JADE1: variants seen among roughly 807,000 people sequenced by gnomAD.
JADE1 encodes jade family PHD finger 1.
A neutral mutation model predicts 81.8 loss-of-function variants in JADE1; 14 were observed. The ratio of observed to expected loss-of-function variants is 0.17; its 90% CI spans 0.11 to 0.27. The LOEUF (loss-of-function observed/expected upper bound fraction) is 0.27, where lower values mean the gene tolerates loss of function less well. JADE1 is among the 10% of genes least tolerant of loss of function. JADE1 has a pLI of 1.00. For missense variants in JADE1, 690 were observed against 1,047.9 expected, an observed-to-expected ratio of 0.66 and a Z score of 4.71; for synonymous variants, 353 against 391.9, an observed-to-expected ratio of 0.90 and a Z score of 1.17.
chr4:128,849,137 G>C lies in JADE1; in HGVS notation c.454G>C (p.Glu152Gln), dbSNP rs1202526377. The change falls in exon 5 of 11, where the codon GAA becomes CAA. Residue 152 changes from glutamate to glutamine, a missense_variant. Transcript: ENST00000226319. Reference protein sequence around the residue: ...DLNDMDAAWLELTNEEFKEMG... With the variant: ...DLNDMDAAWLQLTNEEFKEMG... ...CAATGACATGGATGCTGCATGGCTG[G>C]AACTGACCAATGAAGAATTTAAGGA... is the stretch of plus-strand genomic sequence containing the variant. 1.9e-6 allele frequency: 3 copies of C among 1,612,684 alleles called. No individual in the cohort carries two copies. The highest frequency in any genetic ancestry group is 1.3e-5 in the African/African-American group (1 of 74,894).
At chr4:128,825,994 G>T (rs1728028552) in intron 1 of JADE1, among the ~76,000 whole-genome samples, 1 of 152,212 alleles carries the variant, frequency 6.6e-6, no homozygotes, top group Admixed American at 6.5e-5. Flanking sequence ...CAGGGTCTTT[G>T]GCCAGTGGCC....
chr4:128,859,402 C>T (rs991669295), intron 8 of JADE1, among the ~76,000 whole-genome samples: 51 of 151,182 alleles, frequency 3.4e-4, no homozygotes, highest in African/African-American at 1.1e-3. Flanking sequence ...TGCGTGAGTG[C>T]GTATGCGTGT....
intron 1 of JADE1, among the ~76,000 whole-genome samples, chr4:128,830,302 C>T (rs374099038): frequency 2.6e-5 from 4 of 151,122 alleles, no homozygotes; most frequent in South Asian, 2.1e-4. Flanking sequence ...GGTGTGATCT[C>T]GGCTCACTGC....
At chr4:128,833,779 AG>A (rs1728750185) in intron 2 of JADE1, among the ~76,000 whole-genome samples, 1 of 152,208 alleles carries the variant, frequency 6.6e-6, no homozygotes, top group Non-Finnish European at 1.5e-5. Context: ...GCCCAATAAA[AG>A]CTTAAGAGCC....
intron 1 of JADE1, among the ~76,000 whole-genome samples, chr4:128,823,358 T>C (rs1727752034): frequency 1.3e-5 from 2 of 152,228 alleles, no homozygotes; most frequent in African/African-American, 4.8e-5. Flanking sequence ...GAGAAATGCT[T>C]TCTTGGTTTT....
At chr4:128,866,989 C>T (rs962773406) in intron 9 of JADE1, among the ~76,000 whole-genome samples, 1 of 152,110 alleles carries the variant, frequency 6.6e-6, no homozygotes, top group Non-Finnish European at 1.5e-5. Flanking sequence ...TGAGTGATGA[C>T]AGGTGGGGAA....
Position 128,831,867 on chromosome 4 carries a change from A to C in JADE1, c.52+57A>C, listed in dbSNP as rs896315868. The C allele has an allele frequency of 2.2e-5, 32 of 1,472,314 alleles. No homozygotes were observed. In the African/African-American group the frequency reaches 4.2e-4, roughly 19 times the overall value. The allele number at this position is 1,472,314 out of a possible 1,614,324, so 91.2% of individuals were successfully genotyped here. A position where few individuals can be genotyped will look rare whatever the true frequency, so the allele number is the denominator to read the frequency against. On this transcript the variant is annotated intron_variant, in intron 2 of 10. Coordinates refer to ENST00000226319, the MANE Select transcript of JADE1 (RefSeq NM_199320.4). ...CCAGGGTTTGGGTCGGGGTAAAAAC[A>C]TGATTTTTTAATGTAATGCTTTAAA... is the stretch of plus-strand genomic sequence containing the variant.
At chr4:128,866,847 T>C (rs1232745241) in intron 9 of JADE1, among the ~76,000 whole-genome samples, 5 of 152,208 alleles carry the variant, frequency 3.3e-5, no homozygotes, top group African/African-American at 9.6e-5. Context: ...AAGGGTTTAA[T>C]TGTGTATTTG....
chr4:128,840,446 T>TA (rs976369219), intron 2 of JADE1, among the ~76,000 whole-genome samples: 1 of 152,230 alleles, frequency 6.6e-6, no homozygotes, highest in African/African-American at 2.4e-5. Flanking sequence ...TTTTCCATAG[T>TA]AATTCAAAGC....
intron 1 of JADE1, chr4:128,810,291 A>T (rs941906718): frequency 1.3e-5 from 2 of 151,858 alleles, no homozygotes; most frequent in African/African-American, 4.8e-5. Flanking sequence ...ATGTTGGATC[A>T]GTAAGTTTTA....
rs1732317560 is a variant in JADE1 at position 128,873,198 on chromosome 4, C to CT, written c.*937dup. 6.8e-6 allele frequency: 1 copy of CT among 146,594 alleles called. No individual in the cohort carries two copies. Among genetic ancestry groups the CT allele is most frequent in the Non-Finnish European group, 1.4e-5 (1 of 70,536 alleles). The allele number at this position is 146,594 out of a possible 1,614,324, so 9.1% of individuals were successfully genotyped here. Reference sequence around the variant, plus strand: ...GACTGTTACTTCCCAGAGCCAACCACTAGTGCATATGTTAGGGAATCTGGG... The same window carrying CT: ...GACTGTTACTTCCCAGAGCCAACCACTTAGTGCATATGTTAGGGAATCTGGG... On this transcript the variant is annotated 3_prime_UTR_variant, in exon 11 of 11. Coordinates refer to ENST00000226319, the MANE Select transcript of JADE1 (RefSeq NM_199320.4).
chr4:128,858,897 C>G (rs1327396787), intron 8 of JADE1, among the ~76,000 whole-genome samples: 1 of 152,130 alleles, frequency 6.6e-6, no homozygotes, highest in Non-Finnish European at 1.5e-5. Flanking sequence ...CTTGAGCCAC[C>G]GCGCCTGGCT....
At chr4:128,841,848 G>A (rs570510423) in intron 2 of JADE1, among the ~76,000 whole-genome samples, 1 of 152,204 alleles carries the variant, frequency 6.6e-6, no homozygotes, top group Non-Finnish European at 1.5e-5. Flanking sequence ...AGAGTGGAAA[G>A]AGAATTGCCA....
At chr4:128,824,933 A>T (rs1579115875) in intron 1 of JADE1, among the ~76,000 whole-genome samples, 1 of 152,204 alleles carries the variant, frequency 6.6e-6, no homozygotes, top group East Asian at 1.9e-4. Context: ...TCCACCACAG[A>T]GAGTAAGTAA....
At chr4:128,865,207 G>C (rs1432458119) in intron 9 of JADE1, among the ~76,000 whole-genome samples, 1 of 152,100 alleles carries the variant, frequency 6.6e-6, no homozygotes, top group Non-Finnish European at 1.5e-5. Flanking sequence ...AAACAGTTTT[G>C]GATTCAAGAA....
At position 128,840,798 on chromosome 4, in the gene JADE1, G is replaced by T. The variant is rs1431864832; in HGVS notation, c.53-2155G>T. 5.9e-5 allele frequency among the ~76,000 whole-genome samples: 9 copies of T among 152,312 alleles called. No individual in the cohort carries two copies. The East Asian group carries it at 1.7e-3, about 29-fold the overall frequency. ...TCTTGTTCATTTAGAGTCTAAAGAG[G>T]CACACTTAGTATTTTTTTAAAGAAG... On this transcript the variant is annotated intron_variant, in intron 2 of 10. Coordinates refer to ENST00000226319, the MANE Select transcript of JADE1 (RefSeq NM_199320.4).
At chr4:128,868,981 A>G (rs186679483) in intron 10 of JADE1, among the ~76,000 whole-genome samples, 1 of 152,284 alleles carries the variant, frequency 6.6e-6, no homozygotes, top group Non-Finnish European at 1.5e-5. Flanking sequence ...TTGTCACTCC[A>G]TCTAGATTAT....
At chr4:128,870,846 T>A (rs1579253167) in intron 10 of JADE1, among the ~76,000 whole-genome samples, 1 of 152,248 alleles carries the variant, frequency 6.6e-6, no homozygotes, top group Admixed American at 6.5e-5. Flanking sequence ...TTCATTCACA[T>A]GTTTACATGT....
intron 6 of JADE1, among the ~76,000 whole-genome samples, chr4:128,854,112 A>G (rs73850013): frequency 0.013 from 2,051 of 152,124 alleles, 26 homozygotes; most frequent in African/African-American, 0.037. Flanking sequence ...TTTTTTGAGT[A>G]AAAGCTTTCT....
Sources: allele counts gnomAD v4.1 joint callset (sites outside exome capture counted in the v4.1 genomes callset), GRCh38; gene constraint gnomAD v4.1.1; transcripts MANE v1.5; gene names NCBI Gene and HGNC (gene_info 2026-07-23, HGNC 2026-07-21).